ZSCAN2: variants seen among roughly 807,000 people sequenced by gnomAD.
ZSCAN2 encodes zinc finger and SCAN domain containing 2.
Under a neutral mutation model 47.8 loss-of-function variants are expected in ZSCAN2, and 26 were observed. The observed-to-expected ratio is 0.54, with a 90% CI of 0.40 to 0.75. ZSCAN2 has a LOEUF of 0.75. ZSCAN2 is among the 30% of genes least tolerant of loss of function. The pLI is 0.00. For missense variants in ZSCAN2, 732 were observed against 785.4 expected, an observed-to-expected ratio of 0.93 and a Z score of 0.81; for synonymous variants, 305 against 288.7, an observed-to-expected ratio of 1.06 and a Z score of -0.57.
chr15:84,618,890 C>T (rs1273280886), intron 2 of ZSCAN2, among the ~76,000 whole-genome samples: 1 of 152,066 alleles, frequency 6.6e-6, no homozygotes, highest in Non-Finnish European at 1.5e-5. Context: ...AATGACACTT[C>T]TTAGAGTGTC....
intron 2 of ZSCAN2, among the ~76,000 whole-genome samples, chr15:84,609,247 T>A (rs1370178362): frequency 3.4e-5 from 5 of 148,810 alleles, no homozygotes; most frequent in African/African-American, 7.6e-5. Context: ...AAAATTACTT[T>A]TATATATATA....
rs976618155 is a variant in ZSCAN2 at position 84,604,310 on chromosome 15, T to C, written c.383T>C (p.Leu128Ser). The change falls in exon 2 of 3, where the codon TTG becomes TCG. Residue 128 changes from leucine (L) to serine (S), a missense_variant. Coordinates refer to ENST00000546148, the MANE Select transcript of ZSCAN2 (RefSeq NM_181877.4). ...SEEAAALVED[L>S]TQTLQDSDFE... ...GAGGCAGCGGCCCTGGTGGAAGACT[T>C]GACCCAGACCCTTCAGGACAGTGGT... 13 of 1,612,272 alleles carry C rather than the reference T, an allele frequency of 8.1e-6. No individual in the cohort carries two copies. The Admixed American group carries it at 1.5e-4, about 19-fold the overall frequency.
intron 2 of ZSCAN2, among the ~76,000 whole-genome samples, chr15:84,608,530 CAAAA>C (rs1181525313): frequency 1.1e-3 from 106 of 92,646 alleles, no homozygotes; most frequent in Non-Finnish European, 1.3e-3. Context: ...GACTCTGTCT[CAAAA>C]AAAAAAAAAA....
intron 2 of ZSCAN2, chr15:84,606,875 C>T: frequency 8.7e-7 from 1 of 1,148,896 alleles, no homozygotes; most frequent in Non-Finnish European, 1.1e-6. Flanking sequence ...ACGCCCCGAC[C>T]TTCCTCATGA....
chr15:84,617,437 A>G (rs115784590), intron 2 of ZSCAN2, among the ~76,000 whole-genome samples: 1,652 of 152,306 alleles, frequency 0.011, 34 homozygotes, highest in African/African-American at 0.038. Context: ...CTCCAAAAAA[A>G]AAAAGACTGT....
rs1204863401 is a variant in ZSCAN2, at chr15:84,622,182, C to T, written c.*142C>T. On this transcript the variant is annotated 3_prime_UTR_variant, in exon 3 of 3. Coordinates refer to ENST00000546148, the MANE Select transcript of ZSCAN2 (RefSeq NM_181877.4). ...GTCTTCCCCTTGCTCATCCTCATTT[C>T]CAGGACACTGTCATTTTAGTGGTCT... The T allele has an allele frequency of 5.9e-5, 44 of 744,336 alleles. No homozygotes were observed. The highest frequency in any genetic ancestry group is 9.5e-5 in the Non-Finnish European group (42 of 443,974). 46.1% of individuals were successfully genotyped at this position (744,336 alleles called of 1,614,324 possible).
In ZSCAN2 at chr15:84,608,877, T is replaced by C. The variant is rs1319403445; in HGVS notation, c.406+4544T>C. The stretch of plus-strand genomic sequence containing the variant: ...CTGGGAGTTTGTTAGACTAGGACTG[T>C]CAGTCTCACCAAGCCCCGCTGAAGC... On this transcript the variant is annotated intron_variant, in intron 2 of 2. Coordinates refer to ENST00000546148, the MANE Select transcript of ZSCAN2 (RefSeq NM_181877.4). Among the ~76,000 whole-genome samples the C allele has an allele frequency of 3.3e-5, 5 of 152,314 alleles. No individual in the cohort carries two copies. In the East Asian group the frequency reaches 7.7e-4, roughly 23 times the overall value.
rs1378494874 is a variant in ZSCAN2 at position 84,621,858 on chromosome 15, G to C, written c.1663G>C (p.Asp555His). The change falls in exon 3 of 3, where the codon GAC becomes CAC. Residue 555 changes from aspartate to histidine, a missense_variant. Asp to His is a moderately conservative substitution (Grantham distance 81). Around this residue, in one of 2 missense-constraint regions of ZSCAN2, gnomAD observed 412 missense variants for 498.0 expected, o/e 0.83. Coordinates refer to ENST00000546148, the MANE Select transcript of ZSCAN2 (RefSeq NM_181877.4). This position sits in a 1 kb window ranked among gnomAD's most constrained non-coding sequence, Gnocchi z 5.7. ...CATGCACCAGAGAGCCCATTTGGGA[G>C]ACAAGCCCTACAGGTGCCCTGAGTG... ...LVMHQRAHLGDKPYRCPECGK... is the reference protein window; with the variant it reads ...LVMHQRAHLGHKPYRCPECGK... 1 of 1,614,258 alleles carries C rather than the reference G, an allele frequency of 6.2e-7. No individual in the cohort carries two copies. The highest frequency in any genetic ancestry group is 1.1e-5 in the South Asian group (1 of 91,090).
At chr15:84,604,433 G>C (rs1242531453) in intron 2 of ZSCAN2, 100 bp downstream of exon 2, 29 of 1,437,526 alleles carry the variant, frequency 2.0e-5, no homozygotes, top group Admixed American at 1.4e-4. Flanking sequence ...AAGGCAGAGT[G>C]GGGGGCTAGC....
At position 84,621,739 on chromosome 15, in the gene ZSCAN2, C is replaced by T. The variant is rs758999498; in HGVS notation, c.1544C>T (p.Ser515Phe). Residue 515 changes from serine to phenylalanine, a missense_variant, in exon 3 of 3, where the codon TCC becomes TTC. By Grantham distance (155) the Ser-to-Phe change is radical (BLOSUM62 -2). This residue lies in a region of ZSCAN2 where 412 missense variants were observed against 498.0 expected (regional missense o/e 0.83). Coordinates refer to ENST00000546148, the MANE Select transcript of ZSCAN2 (RefSeq NM_181877.4). This position sits in a 1 kb window ranked among gnomAD's most constrained non-coding sequence, Gnocchi z 5.7. ...TGTGGGAAATGCTTCAGCCAGCGCT[C>T]CCAGCTCGTAGTGCACCAGCGGACC... is the stretch of plus-strand genomic sequence containing the variant. Reference protein sequence around the residue: ...SECGKCFSQRSQLVVHQRTHT... With the variant: ...SECGKCFSQRFQLVVHQRTHT... The T allele has an allele frequency of 1.9e-6, 3 of 1,614,098 alleles. No homozygotes were observed. The highest frequency in any genetic ancestry group is 3.3e-5 in the Admixed American group (2 of 60,004).
chr15:84,607,256 T>C (rs1270747311), intron 2 of ZSCAN2, among the ~76,000 whole-genome samples: 1 of 152,136 alleles, frequency 6.6e-6, no homozygotes, highest in Non-Finnish European at 1.5e-5. Context: ...GAACCTGTCT[T>C]CAGCTTCTGC....
rs1468716484 is a variant in ZSCAN2 at position 84,621,663 on chromosome 15, C to G, written c.1468C>G (p.Leu490Val). 4 of 1,610,992 alleles carry G rather than the reference C, an allele frequency of 2.5e-6. No individual in the cohort carries two copies. The African/African-American group carries it at 5.4e-5, about 22-fold the overall frequency. ...GESFSWSSNL[L>V]KHQRIHTGEK... ...GAGCTTCAGCTGGAGCTCCAACCTC[C>G]TCAAGCACCAGAGGATCCACACGGG... Residue 490 changes from leucine (L) to valine (V), a missense_variant, in exon 3 of 3, where the codon CTC becomes GTC. Leu to Val is a conservative substitution (Grantham distance 32, BLOSUM62 1). This residue lies in a region of ZSCAN2 where 412 missense variants were observed against 498.0 expected (regional missense o/e 0.83). Coordinates refer to ENST00000546148, the MANE Select transcript of ZSCAN2 (RefSeq NM_181877.4). This position sits in a 1 kb window ranked among gnomAD's most constrained non-coding sequence, Gnocchi z 5.7.
chr15:84,607,543 A>G (rs1895419447), intron 2 of ZSCAN2, among the ~76,000 whole-genome samples: 1 of 150,604 alleles, frequency 6.6e-6, no homozygotes, highest in Non-Finnish European at 1.5e-5. Context: ...CGGTCTTTCT[A>G]CGTTCCCCAG....
chr15:84,605,827 A>G (rs934252721), intron 2 of ZSCAN2, among the ~76,000 whole-genome samples: 7 of 152,230 alleles, frequency 4.6e-5, no homozygotes, highest in Non-Finnish European at 8.8e-5. Context: ...CACCATGGCT[A>G]GCACTTTCCA....
intron 2 of ZSCAN2, chr15:84,606,370 T>C (rs1322208680): frequency 1.6e-6 from 1 of 640,738 alleles, no homozygotes; most frequent in Non-Finnish European, 2.8e-6. Flanking sequence ...ACATGGCTGT[T>C]GAGTGGTGGA....
At position 84,623,616 on chromosome 15, in the gene ZSCAN2, G is replaced by C. The variant is rs1213383817; in HGVS notation, c.*1576G>C. The C allele has an allele frequency of 1.2e-5, 2 of 167,220 alleles. No homozygotes were observed. The highest frequency in any genetic ancestry group is 4.8e-5 in the African/African-American group (2 of 41,408). 10.4% of individuals were successfully genotyped at this position (167,220 alleles called of 1,614,324 possible). A position where few individuals can be genotyped will look rare whatever the true frequency, so the allele number is the denominator to read the frequency against. Reference sequence around the variant, plus strand: ...GGAGATAAGGCATTTCCAGGAAATGGGAAACTGCCTCCTCCTACACATGGG... The same window carrying C: ...GGAGATAAGGCATTTCCAGGAAATGCGAAACTGCCTCCTCCTACACATGGG... On this transcript the variant is annotated 3_prime_UTR_variant, in exon 3 of 3. Coordinates refer to ENST00000546148, the MANE Select transcript of ZSCAN2 (RefSeq NM_181877.4).
Position 84,623,043 on chromosome 15 carries a change from C to G in ZSCAN2, c.*1003C>G. The G allele has an allele frequency of 9.3e-6, 2 of 214,198 alleles. No individual in the cohort carries two copies. The highest frequency in any genetic ancestry group is 2.0e-5 in the Non-Finnish European group (2 of 99,452). 13.3% of individuals were successfully genotyped at this position (214,198 alleles called of 1,614,324 possible). ...TCTTTTATTTTTTATTTGATATATG[C>G]CGAGCTAGAATCCTGTCGGGTAGCT... On this transcript the variant is annotated 3_prime_UTR_variant, in exon 3 of 3. Coordinates refer to ENST00000546148, the MANE Select transcript of ZSCAN2 (RefSeq NM_181877.4).
rs1282917739 is a variant in ZSCAN2 at position 84,621,105 on chromosome 15, A to T, written c.910A>T (p.Lys304Ter). ...CCACCAGAGGATCCACACGGGGGAA[A>T]AGCCCTTCCAGTGTGCCGAGTGTGG... Reference protein sequence around the residue: ...ITHQRIHTGEKPFQCAECGKS... With the variant: ...ITHQRIHTGE Residue 304 changes from lysine to a stop codon, truncating the protein, a stop_gained, in exon 3 of 3, where the codon AAG becomes TAG. Transcript: ENST00000546148. LOFTEE classifies it high-confidence loss of function. The surrounding 1 kb of genome is among the most constrained non-coding windows in gnomAD (Gnocchi z 5.7). The T allele has an allele frequency of 1.2e-6, 2 of 1,614,088 alleles. No homozygotes were observed. Among genetic ancestry groups the T allele is most frequent in the South Asian group, 2.2e-5 (2 of 91,080 alleles).
intron 2 of ZSCAN2, among the ~76,000 whole-genome samples, chr15:84,610,678 G>A (rs906076392): frequency 6.6e-6 from 1 of 151,890 alleles, no homozygotes; most frequent in African/African-American, 2.4e-5. Flanking sequence ...GAAGAGATGG[G>A]GTTTCACCAT....
Sources: allele counts gnomAD v4.1 joint callset (sites outside exome capture counted in the v4.1 genomes callset), GRCh38; gene constraint gnomAD v4.1.1; regional missense constraint gnomAD v4.1.1; non-coding constraint Gnocchi (gnomAD v3.1); transcripts MANE v1.5; gene names NCBI Gene and HGNC (gene_info 2026-07-23, HGNC 2026-07-21).